Variants in DCDC1 observed in about 807,000 individuals in gnomAD.
DCDC1 encodes the protein doublecortin domain containing 1, also known as doublecortin domain-containing protein 1.
DCDC1 carries 200 observed loss-of-function variants against 178.3 expected under a neutral mutation model. The observed-to-expected ratio is 1.12, with a 90% confidence interval of 1.00 to 1.26. The LOEUF (loss-of-function observed/expected upper bound fraction) is 1.26. Ranked by LOEUF, DCDC1 falls within the 50% of genes most tolerant of loss-of-function variation. DCDC1 has a pLI of 0.00. For synonymous variants in DCDC1, 690 were observed against 604.8 expected, an observed-to-expected ratio of 1.14 and a Z score of -2.07; for missense variants, 1,983 against 1,749.2, an observed-to-expected ratio of 1.13 and a Z score of -2.38.
intron 2 of DCDC1, among the ~76,000 whole-genome samples, chr11:31,330,309 A>G (rs191884463): frequency 6.6e-6 from 1 of 152,122 alleles, no homozygotes; most frequent in Non-Finnish European, 1.5e-5. Flanking sequence ...CCTTTGTCAG[A>G]TAGGTAGATG....
At chr11:30,999,096 A>T (rs2062987519) in intron 20 of DCDC1, among the ~76,000 whole-genome samples, 1 of 152,226 alleles carries the variant, frequency 6.6e-6, no homozygotes, top group Non-Finnish European at 1.5e-5. Flanking sequence ...AGAAGGGTCA[A>T]GGCTATGAAA....
At position 31,355,517 on chromosome 11, in the gene DCDC1, T is replaced by A. The variant is rs374365069; in HGVS notation, c.-125+14180A>T. On this transcript the variant is annotated intron_variant, in intron 1 of 38. Coordinates refer to ENST00000684477, the MANE Select transcript of DCDC1 (RefSeq NM_001387274.1). ...ATTTAAAATAATAATTTAGATATCT[T>A]AGAAAAAAAATGTTTGGTTACTGAA... Among the ~76,000 whole-genome samples the A allele has an allele frequency of 4.6e-5, 7 of 152,108 alleles. No individual in the cohort carries two copies. In the East Asian group the frequency reaches 1.4e-3, roughly 29 times the overall value.
Position 31,261,191 on chromosome 11 carries a change from ACT to A in DCDC1, c.1054+4314_1054+4315del, listed in dbSNP as rs556049784. Among the ~76,000 whole-genome samples the A allele has an allele frequency of 2.8e-4, 43 of 152,136 alleles. 2 individuals carry two copies. In the South Asian group the frequency reaches 8.5e-3, roughly 30 times the overall value. On this transcript the variant is annotated intron_variant, in intron 8 of 38. Transcript: ENST00000684477. ...TTCACTTCCATCTGCATTGTCTCAC[ACT>A]CTATTGTTTTTGTGCAGCTTTAATA... is the stretch of plus-strand genomic sequence containing the variant.
chr11:31,202,380 T>C (rs1406739611), intron 9 of DCDC1, among the ~76,000 whole-genome samples: 2 of 150,044 alleles, frequency 1.3e-5, no homozygotes, highest in Non-Finnish European at 3.0e-5. Flanking sequence ...CTGGGCAACA[T>C]GGCAAAACCT....
chr11:30,962,688 G>T (rs1039519928), intron 20 of DCDC1, among the ~76,000 whole-genome samples: 8 of 151,936 alleles, frequency 5.3e-5, no homozygotes, highest in African/African-American at 1.9e-4. Flanking sequence ...ATATACAAAT[G>T]GATACAAAGC....
At chr11:30,973,475 G>A (rs1465498379) in intron 20 of DCDC1, among the ~76,000 whole-genome samples, 1 of 151,928 alleles carries the variant, frequency 6.6e-6, no homozygotes, top group Non-Finnish European at 1.5e-5. Flanking sequence ...TTACAGCAAT[G>A]CGAGAACACA....
At chr11:30,888,395 T>C (rs1943492380) in intron 36 of DCDC1, among the ~76,000 whole-genome samples, 1 of 152,236 alleles carries the variant, frequency 6.6e-6, no homozygotes, top group South Asian at 2.1e-4. Flanking sequence ...AATTAGGTTC[T>C]AAGATATCTA....
intron 21 of DCDC1, among the ~76,000 whole-genome samples, chr11:30,948,210 A>T (rs1948177721): frequency 6.6e-6 from 1 of 152,136 alleles, no homozygotes; most frequent in Admixed American, 6.5e-5. Flanking sequence ...TACACCAATA[A>T]TAGACAAGCA....
rs80350693 is a variant in DCDC1 at position 30,986,799 on chromosome 11, A to G, written c.2592-34231T>C. ...TCCAGAAACAGATAAAAAGCTTACA[A>G]TTTAAGTACGTAGAGTAACAAATGT... On this transcript the variant is annotated intron_variant, in intron 20 of 38. Coordinates refer to ENST00000684477, the MANE Select transcript of DCDC1 (RefSeq NM_001387274.1). Among the ~76,000 whole-genome samples the G allele has an allele frequency of 9.9e-3, 1,514 of 152,286 alleles. 31 individuals carry two copies. Among genetic ancestry groups the G allele is most frequent in the African/African-American group, 0.034 (1,428 of 41,560 alleles).
chr11:31,050,133 T>C (rs666036), intron 20 of DCDC1, among the ~76,000 whole-genome samples: 76,851 of 151,966 alleles, frequency 0.51, 19,934 homozygotes, highest in African/African-American at 0.63. Flanking sequence ...CTCGCCCTCA[T>C]CTGCAAACGG....
At chr11:30,969,116 G>A (rs1490177972) in intron 20 of DCDC1, among the ~76,000 whole-genome samples, 1 of 152,114 alleles carries the variant, frequency 6.6e-6, no homozygotes, top group African/African-American at 2.4e-5. Flanking sequence ...GTTACAGTCT[G>A]TGGTAGAATA....
At chr11:31,014,805 G>A (rs1213675693) in intron 20 of DCDC1, among the ~76,000 whole-genome samples, 2 of 151,748 alleles carry the variant, frequency 1.3e-5, no homozygotes, top group African/African-American at 4.8e-5. Context: ...TACTTTTAAG[G>A]GAGATCAACA....
In DCDC1 at chr11:31,261,319, T is replaced by C. The variant is rs542630924; in HGVS notation, c.1054+4188A>G. ...GTAGTATTGTGGTTTTAAAGGTTAA[T>C]AGATTTTTGAATGGTTTTCCCAAAC... On this transcript the variant is annotated intron_variant, in intron 8 of 38. Transcript: ENST00000684477. 4.6e-5 allele frequency among the ~76,000 whole-genome samples: 7 copies of C among 152,304 alleles called. No homozygotes were observed. The East Asian group carries it at 1.2e-3, about 25-fold the overall frequency.
chr11:30,945,869 C>T (rs569454435), intron 21 of DCDC1, among the ~76,000 whole-genome samples: 27 of 152,038 alleles, frequency 1.8e-4, no homozygotes, highest in Non-Finnish European at 3.4e-4. Flanking sequence ...CTCTGTTCAC[C>T]ACCCATCCAT....
chr11:30,998,475 T>C (rs1021307766), intron 20 of DCDC1, among the ~76,000 whole-genome samples: 4 of 152,080 alleles, frequency 2.6e-5, no homozygotes, highest in African/African-American at 9.7e-5. Context: ...TCAGTCCATA[T>C]AAACAATAAG....
intron 20 of DCDC1, among the ~76,000 whole-genome samples, chr11:31,030,442 G>A (rs1310438785): frequency 1.3e-5 from 2 of 151,912 alleles, no homozygotes; most frequent in African/African-American, 4.8e-5. Flanking sequence ...GAAGGGGGAG[G>A]GAAGGATTGG....
intron 21 of DCDC1, among the ~76,000 whole-genome samples, chr11:30,950,784 T>C (rs1264618360): frequency 6.6e-6 from 1 of 152,078 alleles, no homozygotes; most frequent in African/African-American, 2.4e-5. Context: ...GAATAAGATC[T>C]AGTAGTCAGT....
At chr11:31,217,624 T>C (rs1420001498) in intron 9 of DCDC1, among the ~76,000 whole-genome samples, 1 of 152,204 alleles carries the variant, frequency 6.6e-6, no homozygotes, top group Non-Finnish European at 1.5e-5. Context: ...TCCCATTGTT[T>C]ATCCACTGAA....
At chr11:31,188,130 T>C (rs1272360923) in intron 9 of DCDC1, among the ~76,000 whole-genome samples, 3 of 152,250 alleles carry the variant, frequency 2.0e-5, no homozygotes, top group Non-Finnish European at 2.9e-5. Context: ...TTCTATCACC[T>C]CATTTAATCT....
Sources: gnomAD v4.1 joint callset for allele counts (sites outside exome capture counted in the v4.1 genomes callset) on GRCh38, gnomAD v4.1.1 for gene constraint, MANE v1.5 for transcripts, NCBI Gene and HGNC (gene_info 2026-07-23, HGNC 2026-07-21) for gene names.